Variants in EPB41L2 observed in about 807,000 individuals in gnomAD.
The protein encoded by EPB41L2 is band 4.1-like protein 2.
In EPB41L2, 43 loss-of-function variants were observed where a neutral mutation model predicts 113.0. That is an observed-to-expected ratio of 0.38 (90% CI 0.30 to 0.49). The LOEUF (loss-of-function observed/expected upper bound fraction) is 0.49, where lower values mean the gene tolerates loss of function less well. Among genes scored for constraint, EPB41L2 ranks in the 20% least tolerant of loss-of-function variants. EPB41L2 has a pLI of 0.95. For missense variants in EPB41L2, 1,147 were observed against 1,223.4 expected, an observed-to-expected ratio of 0.94 and a Z score of 0.93; for synonymous variants, 442 against 436.7, an observed-to-expected ratio of 1.01 and a Z score of -0.15.
intron 1 of EPB41L2, among the ~76,000 whole-genome samples, chr6:131,041,095 C>T (rs1050955389): frequency 4.6e-5 from 7 of 152,156 alleles, no homozygotes; most frequent in African/African-American, 1.7e-4. Flanking sequence ...ACACACTATA[C>T]AAGACATCAC....
chr6:130,872,678 C>A (rs939591268), intron 14 of EPB41L2: 2 of 539,150 alleles, frequency 3.7e-6, no homozygotes, highest in East Asian at 7.8e-5. Context: ...AGAATTCTGA[C>A]AGATTCTGGA....
intron 1 of EPB41L2, among the ~76,000 whole-genome samples, chr6:130,984,818 C>A (rs534098078): frequency 6.6e-6 from 1 of 152,098 alleles, no homozygotes; most frequent in African/African-American, 2.4e-5. Flanking sequence ...ACAACATAAT[C>A]AACAGATTTA....
intron 14 of EPB41L2, among the ~76,000 whole-genome samples, chr6:130,871,977 AC>A (rs2128451948): frequency 6.6e-6 from 1 of 152,326 alleles, no homozygotes; most frequent in Admixed American, 6.5e-5. Context: ...CATGGGAGGC[AC>A]TTCAGATTTT....
chr6:130,949,371 G>C (rs1814024011), intron 3 of EPB41L2, among the ~76,000 whole-genome samples: 1 of 152,188 alleles, frequency 6.6e-6, no homozygotes, highest in African/African-American at 2.4e-5. Flanking sequence ...GGAGGCCAAG[G>C]AGGGAGAATT....
intron 1 of EPB41L2, among the ~76,000 whole-genome samples, chr6:131,043,549 C>T (rs1311549927): frequency 6.6e-6 from 1 of 151,976 alleles, no homozygotes; most frequent in Non-Finnish European, 1.5e-5. Context: ...TAGGACAACC[C>T]AATTTCTTCA....
intron 13 of EPB41L2, 28 bp downstream of exon 13, chr6:130,880,116 C>T (rs532580017): frequency 6.4e-7 from 1 of 1,556,926 alleles, no homozygotes; most frequent in East Asian, 2.2e-5. Flanking sequence ...GCCATTAGGA[C>T]AGAGTTGTTT....
intron 1 of EPB41L2, among the ~76,000 whole-genome samples, chr6:131,023,752 T>TATAG (rs1196356094): frequency 3.9e-5 from 3 of 77,746 alleles, no homozygotes; most frequent in Non-Finnish European, 7.4e-5. Flanking sequence ...TATATCTATA[T>TATAG]ATAGATATAT....
intron 3 of EPB41L2, among the ~76,000 whole-genome samples, chr6:130,948,489 A>G (rs114936821): frequency 1.9e-3 from 290 of 152,330 alleles, no homozygotes; most frequent in African/African-American, 6.4e-3. Flanking sequence ...CTTAATTTCT[A>G]AAAGAGCAGC....
At chr6:130,864,215 T>G (rs193020529) in intron 17 of EPB41L2, among the ~76,000 whole-genome samples, 157 of 152,346 alleles carry the variant, frequency 1.0e-3, no homozygotes, top group African/African-American at 3.6e-3. Context: ...TATATTTTTT[T>G]CCCATCACAG....
At chr6:130,977,520 G>C (rs1410351632) in intron 1 of EPB41L2, among the ~76,000 whole-genome samples, 1 of 152,122 alleles carries the variant, frequency 6.6e-6, no homozygotes, top group Non-Finnish European at 1.5e-5. Flanking sequence ...CTTCATTGTT[G>C]TCCAAGGGCC....
In EPB41L2 at chr6:130,955,229, G is replaced by T. The variant is rs1294250867; in HGVS notation, c.581C>A (p.Thr194Asn). ...CAGCTCATTGGTCTGCACTTCCTTG[G>T]TCTCCCTTTTTGCTGCTCCTCCTTC... ...KLEGGAAKRETKEVQTNELKA... is the reference protein window; with the variant it reads ...KLEGGAAKRENKEVQTNELKA... The change falls in exon 3 of 20, where the codon ACC becomes AAC. Residue 194 changes from threonine to asparagine, a missense_variant. Thr to Asn is a moderately conservative substitution (Grantham distance 65). Coordinates refer to ENST00000337057, the MANE Select transcript of EPB41L2 (RefSeq NM_001431.4). The T allele has an allele frequency of 3.1e-6, 5 of 1,614,028 alleles. No homozygotes were observed. The highest frequency in any genetic ancestry group is 4.2e-6 in the Non-Finnish European group (5 of 1,180,008).
intron 1 of EPB41L2, among the ~76,000 whole-genome samples, chr6:130,972,922 T>A (rs186778579): frequency 2.5e-4 from 24 of 94,592 alleles, no homozygotes; most frequent in African/African-American, 1.0e-3. Context: ...TGAAACCCCA[T>A]CTCTACTAAA....
intron 4 of EPB41L2, among the ~76,000 whole-genome samples, chr6:130,922,115 G>A (rs1803072495): frequency 6.6e-6 from 1 of 152,214 alleles, no homozygotes; most frequent in Non-Finnish European, 1.5e-5. Context: ...GAAGAAGAGA[G>A]ATAAATAAGA....
At chr6:131,025,878 G>A (rs1191007845) in intron 1 of EPB41L2, among the ~76,000 whole-genome samples, 1 of 151,942 alleles carries the variant, frequency 6.6e-6, no homozygotes, top group Non-Finnish European at 1.5e-5. Flanking sequence ...AGTACACAGG[G>A]GCAAAATGAA....
At chr6:130,951,645 A>G (rs1815146714) in intron 3 of EPB41L2, among the ~76,000 whole-genome samples, 3 of 151,946 alleles carry the variant, frequency 2.0e-5, no homozygotes, top group Admixed American at 2.0e-4. Flanking sequence ...TTTTAATGGC[A>G]AAAACTGCAA....
At chr6:130,867,793 C>T (rs1784283573) in intron 15 of EPB41L2, 1 of 532,182 alleles carries the variant, frequency 1.9e-6, no homozygotes, top group Non-Finnish European at 3.4e-6. Flanking sequence ...TACATGTGCA[C>T]ATAGATACGT....
At chr6:130,910,555 C>A (rs1799049980) in intron 4 of EPB41L2, among the ~76,000 whole-genome samples, 2 of 152,276 alleles carry the variant, frequency 1.3e-5, no homozygotes, top group South Asian at 4.1e-4. Context: ...AGAGCTTCTG[C>A]ACAGCAAAAG....
At chr6:131,036,276 G>A (rs1054903549) in intron 1 of EPB41L2, among the ~76,000 whole-genome samples, 2 of 152,080 alleles carry the variant, frequency 1.3e-5, no homozygotes, top group African/African-American at 2.4e-5. Flanking sequence ...GTCAGGAAAC[G>A]ATCCCCTAGC....
intron 1 of EPB41L2, among the ~76,000 whole-genome samples, chr6:131,051,485 C>T (rs1216767079): frequency 7.0e-6 from 1 of 142,778 alleles, no homozygotes; most frequent in Non-Finnish European, 1.5e-5. Context: ...CACACACACA[C>T]AACAGCAACA....
Sources: allele counts gnomAD v4.1 joint callset (sites outside exome capture counted in the v4.1 genomes callset), GRCh38; gene constraint gnomAD v4.1.1; transcripts MANE v1.5; gene names NCBI Gene and HGNC (gene_info 2026-07-23, HGNC 2026-07-21).